The following TLR4 variants were observed in gnomAD, a reference collection of about 807,000 sequenced individuals.
The protein encoded by TLR4 is toll-like receptor 4.
A neutral mutation model predicts 27.4 loss-of-function variants in TLR4; 17 were observed. That is an observed-to-expected ratio of 0.62 (90% CI 0.42 to 0.93). The LOEUF is 0.93. Ranked by LOEUF, TLR4 falls within the 40% of genes least tolerant of loss-of-function variation. TLR4 has a pLI of 0.00. For missense variants in TLR4, 926 were observed against 962.3 expected (o/e 0.96, Z 0.50); for synonymous variants, 363 against 365.7 (o/e 0.99, Z 0.08).
chr9:117,708,970 G>T (rs568403444), intron 2 of TLR4: 4 of 473,900 alleles, frequency 8.4e-6, no homozygotes, highest in South Asian at 4.8e-5. Flanking sequence ...TCTAATTTTA[G>T]GTTTTCTTTT....
Position 117,714,116 on chromosome 9 carries a change from G to A in TLR4, c.1988G>A (p.Gly663Asp). Residue 663 changes from glycine (G) to aspartate (D), a missense_variant, in exon 3 of 3, where the codon GGC (glycine) becomes GAC (aspartate). Coordinates refer to ENST00000355622, the MANE Select transcript of TLR4 (RefSeq NM_138554.5). The stretch of plus-strand genomic sequence containing the variant: ...TATTTTCACCTGATGCTTCTTGCTG[G>A]CTGCATAAAGTATGGTAGAGGTGAA... ...KFYFHLMLLA[G>D]CIKYGRGENI... The A allele has an allele frequency of 6.2e-7, 1 of 1,614,000 alleles. No individual in the cohort carries two copies. The highest frequency in any genetic ancestry group is 8.5e-7 in the Non-Finnish European group (1 of 1,180,002).
chr9:117,708,293 C>T, intron 1 of TLR4: 2 of 1,236,058 alleles, frequency 1.6e-6, no homozygotes, highest in Non-Finnish European at 2.0e-6. Context: ...TTGCTTCTTG[C>T]TAAATGCTGC....
At chr9:117,706,668 C>T (rs1829141962) in intron 1 of TLR4, among the ~76,000 whole-genome samples, 1 of 152,162 alleles carries the variant, frequency 6.6e-6, no homozygotes, top group Non-Finnish European at 1.5e-5. Flanking sequence ...TTTTTCTTCC[C>T]CTTTCCACAT....
chr9:117,718,259 C>G lies in TLR4; in HGVS notation c.*3611C>G, dbSNP rs1829382011. The G allele has an allele frequency of 6.6e-6, 1 of 152,048 alleles. No individual in the cohort carries two copies. Among genetic ancestry groups the G allele is most frequent in the Non-Finnish European group, 1.5e-5 (1 of 68,000 alleles). The allele number at this position is 152,048 out of a possible 1,614,324, so 9.4% of individuals were successfully genotyped here. A position where few individuals can be genotyped will look rare whatever the true frequency, so the allele number is the denominator to read the frequency against. On this transcript the variant is annotated 3_prime_UTR_variant, in exon 3 of 3. Transcript: ENST00000355622. ...TTCTTCCACACCCAATTGCTTCATG[C>G]TTAAAGTTGGCAAAACAGGAAGTGA...
intron 1 of TLR4, 125 bp from the exon 2 acceptor site, chr9:117,708,438 A>G: frequency 1.3e-6 from 2 of 1,577,140 alleles, no homozygotes; most frequent in African/African-American, 1.4e-5. Flanking sequence ...GGACAGATGG[A>G]TGAAAGGTTG....
chr9:117,714,393 G>C lies in TLR4; in HGVS notation c.2265G>C (p.Gln755His), dbSNP rs765609404. 1.9e-6 allele frequency: 3 copies of C among 1,610,850 alleles called. No individual in the cohort carries two copies. The highest frequency in any genetic ancestry group is 2.5e-6 in the Non-Finnish European group (3 of 1,177,428). Residue 755 changes from glutamine to histidine, a missense_variant, in exon 3 of 3, where the codon CAG becomes CAC. Gln to His is a conservative substitution (Grantham distance 24). Coordinates refer to ENST00000355622, the MANE Select transcript of TLR4 (RefSeq NM_138554.5). Reference sequence around the variant, plus strand: ...GTATCTTTGAATATGAGATTGCTCAGACCTGGCAGTTTCTGAGCAGTCGTG... The same window carrying C: ...GTATCTTTGAATATGAGATTGCTCACACCTGGCAGTTTCTGAGCAGTCGTG... ...RWCIFEYEIA[Q>H]TWQFLSSRAG...
At position 117,714,641 on chromosome 9, in the gene TLR4, C is replaced by T. The variant is rs756717568; in HGVS notation, c.2513C>T (p.Ser838Phe). Reference sequence around the variant, plus strand: ...GGATGCAATTGGCAGGAAGCAACATCTATCTGAAGAGGAAAAATAAAAACC... The same window carrying T: ...GGATGCAATTGGCAGGAAGCAACATTTATCTGAAGAGGAAAAATAAAAACC... ...GTGCNWQEATSI is the reference protein window; with the variant it reads ...GTGCNWQEATFI Residue 838 changes from serine to phenylalanine, a missense_variant, in exon 3 of 3, where the codon TCT (serine) becomes TTT (phenylalanine). Ser to Phe is a radical substitution (Grantham distance 155). Transcript: ENST00000355622. 2.0e-5 allele frequency: 33 copies of T among 1,612,456 alleles called. No individual in the cohort carries two copies. In the Admixed American group the frequency reaches 2.2e-4, roughly 11 times the overall value.
Position 117,707,089 on chromosome 9 carries a change from A to G in TLR4, c.94-1474A>G, listed in dbSNP as rs78736019. On this transcript the variant is annotated intron_variant, in intron 1 of 2. Transcript: ENST00000355622. ...TCAAACTTGCAATGGAATACAGGAGATGAACAATACGATGAGAACAATCAG... is the reference window on the plus strand; with the variant it reads ...TCAAACTTGCAATGGAATACAGGAGGTGAACAATACGATGAGAACAATCAG... Among the ~76,000 whole-genome samples the G allele has an allele frequency of 7.5e-3, 1,135 of 152,322 alleles. 15 individuals carry two copies. Among genetic ancestry groups the G allele is most frequent in the African/African-American group, 0.026 (1,099 of 41,572 alleles).
rs960841451 is a variant in TLR4 at position 117,718,489 on chromosome 9, C to G, written c.*3841C>G. The G allele has an allele frequency of 6.6e-6, 1 of 151,896 alleles. No individual in the cohort carries two copies. The highest frequency in any genetic ancestry group is 1.5e-5 in the Non-Finnish European group (1 of 67,962). The allele number at this position is 151,896 out of a possible 1,614,324, so 9.4% of individuals were successfully genotyped here. ...ATCAATAATAAGTAGAAAATCTGGA[C>G]ATAGAATAAAAAGAGGAGAGAAAGA... On this transcript the variant is annotated 3_prime_UTR_variant, in exon 3 of 3. Coordinates refer to ENST00000355622, the MANE Select transcript of TLR4 (RefSeq NM_138554.5).
chr9:117,723,058 G>A lies in TLR4; in HGVS notation c.*8410G>A, dbSNP rs1829440221. ...GCAGTCAGAAAGGAATGAACCAAAC[G>A]GCTGCTGAGGGTCAGGCCAGCTCTC... On this transcript the variant is annotated 3_prime_UTR_variant, in exon 3 of 3. Transcript: ENST00000355622. 1 of 152,118 alleles carries A rather than the reference G, an allele frequency of 6.6e-6. No homozygotes were observed. Among genetic ancestry groups the A allele is most frequent in the African/African-American group, 2.4e-5 (1 of 41,418 alleles). 9.4% of individuals were successfully genotyped at this position (152,118 alleles called of 1,614,324 possible).
chr9:117,712,563 C>T lies in TLR4; in HGVS notation c.435C>T (p.Pro145=), dbSNP rs5030711. 1.2e-6 allele frequency: 2 copies of T among 1,614,006 alleles called. No individual in the cohort carries two copies. Among genetic ancestry groups the T allele is most frequent in the Non-Finnish European group, 1.7e-6 (2 of 1,179,970 alleles). The change falls in exon 3 of 3, where the codon CCC becomes CCT. Residue 145 remains proline, a synonymous_variant. Transcript: ENST00000355622. The part of the protein sequence containing the change: ...ETNLASLENF[P]IGHLKTLKEL... ...ATCTAGCATCTCTAGAGAACTTCCCCATTGGACATCTCAAAACTTTGAAAG... is the reference window on the plus strand; with the variant it reads ...ATCTAGCATCTCTAGAGAACTTCCCTATTGGACATCTCAAAACTTTGAAAG...
In TLR4 at chr9:117,712,998, A is replaced by T. The variant is rs1829263913; in HGVS notation, c.870A>T (p.Leu290Phe). Reference sequence around the variant, plus strand: ...ATTTGACCATTGAAGAATTCCGATTAGCATACTTAGACTACTACCTCGATG... The same window carrying T: ...ATTTGACCATTGAAGAATTCCGATTTGCATACTTAGACTACTACCTCGATG... ...LCNLTIEEFR[L>F]AYLDYYLDDI... The change falls in exon 3 of 3, where the codon TTA becomes TTT. Residue 290 changes from leucine to phenylalanine, a missense_variant. Leu to Phe is a conservative substitution (Grantham distance 22). Transcript: ENST00000355622. 6.2e-7 allele frequency: 1 copy of T among 1,614,116 alleles called. No homozygotes were observed. Among genetic ancestry groups the T allele is most frequent in the Non-Finnish European group, 8.5e-7 (1 of 1,179,966 alleles).
Position 117,714,699 on chromosome 9 carries a change from C to A in TLR4, c.*51C>A. 6.6e-7 allele frequency: 1 copy of A among 1,509,620 alleles called. No individual in the cohort carries two copies. Among genetic ancestry groups the A allele is most frequent in the Non-Finnish European group, 9.2e-7 (1 of 1,091,008 alleles). The allele number at this position is 1,509,620 out of a possible 1,614,324, so 93.5% of individuals were successfully genotyped here. A position where few individuals can be genotyped will look rare whatever the true frequency, so the allele number is the denominator to read the frequency against. On this transcript the variant is annotated 3_prime_UTR_variant, in exon 3 of 3. Transcript: ENST00000355622. ...GCATTTCTTGCCCAGCTGGGTCCAA[C>A]ACTTGTTCAGTTAATAAGTATTAAA...
rs1285205909 is a variant in TLR4, at chr9:117,724,585, C to A, written c.*9937C>A. The A allele has an allele frequency of 6.6e-6, 1 of 152,082 alleles. No homozygotes were observed. The highest frequency in any genetic ancestry group is 1.5e-5 in the Non-Finnish European group (1 of 68,030). 9.4% of individuals were successfully genotyped at this position (152,082 alleles called of 1,614,324 possible). ...TCTCATGTATTAGAGAGAACAAAAG[C>A]TTTGGGAATCAGACAGATCTGTGTT... On this transcript the variant is annotated 3_prime_UTR_variant, in exon 3 of 3. Transcript: ENST00000355622.
At chr9:117,708,016 G>A (rs1268733207) in intron 1 of TLR4, 1 of 176,492 alleles carries the variant, frequency 5.7e-6, no homozygotes, top group Admixed American at 6.2e-5. Flanking sequence ...AACGCATCAT[G>A]GATTTGTGTG....
rs1244051130 is a variant in TLR4, at chr9:117,715,274, A to C, written c.*626A>C. 1 of 152,512 alleles carries C rather than the reference A, an allele frequency of 6.6e-6. No homozygotes were observed. Among genetic ancestry groups the C allele is most frequent in the Non-Finnish European group, 1.5e-5 (1 of 68,356 alleles). 9.4% of individuals were successfully genotyped at this position (152,512 alleles called of 1,614,324 possible). A position where few individuals can be genotyped will look rare whatever the true frequency, so the allele number is the denominator to read the frequency against. ...AACTAATCACCCCTGATATATTTTTATTTTTATATATCCAGTTTTCATTTT... is the reference window on the plus strand; with the variant it reads ...AACTAATCACCCCTGATATATTTTTCTTTTTATATATCCAGTTTTCATTTT... On this transcript the variant is annotated 3_prime_UTR_variant, in exon 3 of 3. Coordinates refer to ENST00000355622, the MANE Select transcript of TLR4 (RefSeq NM_138554.5).
chr9:117,704,846 T>G (rs1372144410), intron 1 of TLR4, among the ~76,000 whole-genome samples: 2 of 152,122 alleles, frequency 1.3e-5, no homozygotes, highest in African/African-American at 4.8e-5. Flanking sequence ...GTGAAGAAAT[T>G]ATCAAACCTG....
intron 1 of TLR4, among the ~76,000 whole-genome samples, chr9:117,704,914 AAGC>A (rs1437254339): frequency 6.6e-6 from 1 of 152,188 alleles, no homozygotes; most frequent in African/African-American, 2.4e-5. Flanking sequence ...ACTAGAGAGT[AAGC>A]AGACTGCTTC....
rs1265605585 is a variant in TLR4, at chr9:117,718,080, C to T, written c.*3432C>T. On this transcript the variant is annotated 3_prime_UTR_variant, in exon 3 of 3. Coordinates refer to ENST00000355622, the MANE Select transcript of TLR4 (RefSeq NM_138554.5). Reference sequence around the variant, plus strand: ...CACAAAACTATATATTTGAATATCTCATTAGCTGAGTAAGGTAGCAAATCA... The same window carrying T: ...CACAAAACTATATATTTGAATATCTTATTAGCTGAGTAAGGTAGCAAATCA... 6 of 152,268 alleles carry T rather than the reference C, an allele frequency of 3.9e-5. No individual in the cohort carries two copies. The East Asian group carries it at 1.2e-3, about 29-fold the overall frequency. The allele number at this position is 152,268 out of a possible 1,614,324, so 9.4% of individuals were successfully genotyped here.
Sources: allele counts gnomAD v4.1 joint callset (sites outside exome capture counted in the v4.1 genomes callset), GRCh38; gene constraint gnomAD v4.1.1; transcripts MANE v1.5; gene names NCBI Gene and HGNC (gene_info 2026-07-23, HGNC 2026-07-21).